The following LPIN2 variants were observed in gnomAD, a reference collection of about 807,000 sequenced individuals.
The protein encoded by LPIN2 is lipin 2.
In LPIN2, 55 loss-of-function variants were observed where a neutral mutation model predicts 111.4. That is an observed-to-expected ratio of 0.49 (90% CI 0.40 to 0.62). The LOEUF is 0.62. Ranked by LOEUF, LPIN2 falls within the 20% of genes least tolerant of loss-of-function variation. The probability of loss-of-function intolerance (pLI) is 0.00; values close to 1 mark genes in which losing one functional copy is unlikely to be tolerated. For missense variants in LPIN2, 992 were observed against 1,112.1 expected (o/e 0.89, Z 1.54); for synonymous variants, 425 against 414.0 (o/e 1.03, Z -0.32).
intron 1 of LPIN2, among the ~76,000 whole-genome samples, chr18:3,001,770 C>T (rs538452307): frequency 6.6e-6 from 1 of 152,076 alleles, no homozygotes; most frequent in South Asian, 2.1e-4. Context: ...GTACTATGTA[C>T]TTAAATGTTT....
At chr18:2,923,089 A>G (rs2077079000) in intron 16 of LPIN2, among the ~76,000 whole-genome samples, 1 of 152,170 alleles carries the variant, frequency 6.6e-6, no homozygotes, top group South Asian at 2.1e-4. Context: ...TGCAAGAACT[A>G]TTTCCCTCAT....
Position 2,928,607 on chromosome 18 carries a change from TG to T in LPIN2, c.1603del (p.Gln535ArgfsTer13). ...APMILSLQVFQKSLPKATVES... is the reference protein window; with the variant it reads ...APMILSLQVFXKSLPKATVES... ...TCGCCTCACCTTAGGCAAGCTCTTCTGGAATACTTGCAAGCTAAGGATCATG... is the reference window on the plus strand; with the variant it reads ...TCGCCTCACCTTAGGCAAGCTCTTCTGAATACTTGCAAGCTAAGGATCATG... On this transcript the variant is annotated frameshift_variant, in exon 11 of 20. Coordinates refer to ENST00000677752, the MANE Select transcript of LPIN2 (RefSeq NM_001375808.2). LOFTEE classifies it high-confidence loss of function. 1 of 1,614,154 alleles carries T rather than the reference TG, an allele frequency of 6.2e-7. No individual in the cohort carries two copies. Among genetic ancestry groups the T allele is most frequent in the Non-Finnish European group, 8.5e-7 (1 of 1,180,042 alleles).
At chr18:2,958,141 C>CAAAAAAAAAAAAAAACAAAAAAAA (rs2077642694) in intron 2 of LPIN2, among the ~76,000 whole-genome samples, 2 of 11,954 alleles carry the variant, frequency 1.7e-4, no homozygotes, top group African/African-American at 3.9e-4. Context: ...GACTCCATCT[C>CAAAAAAAAAAAAAAACAAAAAAAA]AAAAAAAAAA....
intron 2 of LPIN2, among the ~76,000 whole-genome samples, chr18:2,958,628 A>G (rs1433844991): frequency 6.6e-6 from 1 of 152,140 alleles, no homozygotes; most frequent in Non-Finnish European, 1.5e-5. Context: ...TCCCAAACAT[A>G]TTCTTTGGGT....
chr18:2,949,597 AGAG>A (rs1217563187), intron 4 of LPIN2, among the ~76,000 whole-genome samples: 2 of 152,210 alleles, frequency 1.3e-5, no homozygotes, highest in Non-Finnish European at 2.9e-5. Context: ...CAATAAAACA[AGAG>A]GAGTAGAAAA....
intron 1 of LPIN2, among the ~76,000 whole-genome samples, chr18:2,982,098 G>A (rs1598597088): frequency 6.6e-6 from 1 of 152,248 alleles, no homozygotes; most frequent in East Asian, 1.9e-4. Flanking sequence ...TGTAACAAGA[G>A]AGAAAACTCT....
intron 8 of LPIN2, among the ~76,000 whole-genome samples, chr18:2,932,138 T>G (rs143087189): frequency 0.01 from 1,531 of 152,332 alleles, 30 homozygotes; most frequent in African/African-American, 0.035. Context: ...GGAAACCTTA[T>G]GCAATGAAGT....
intron 1 of LPIN2, among the ~76,000 whole-genome samples, chr18:2,983,237 C>T (rs906138729): frequency 2.6e-5 from 4 of 152,184 alleles, no homozygotes; most frequent in Admixed American, 6.5e-5. Context: ...GGGAGCTTCC[C>T]AAAGTCAGCC....
intron 9 of LPIN2, 54 bp downstream of exon 9, chr18:2,931,202 G>A: frequency 5.1e-6 from 8 of 1,580,256 alleles, no homozygotes; most frequent in Non-Finnish European, 6.1e-6. Flanking sequence ...TTTTAACCAA[G>A]TGATGACCAG....
intron 4 of LPIN2, among the ~76,000 whole-genome samples, chr18:2,940,950 C>A (rs1568543129): frequency 6.6e-6 from 1 of 152,172 alleles, no homozygotes; most frequent in Non-Finnish European, 1.5e-5. Context: ...AATGTGATTT[C>A]TCTTTTTTCC....
At chr18:2,991,571 G>C (rs923504307) in intron 1 of LPIN2, among the ~76,000 whole-genome samples, 4 of 152,076 alleles carry the variant, frequency 2.6e-5, no homozygotes, top group African/African-American at 9.7e-5. Context: ...AATGAGCCAG[G>C]TGTGGTGTTG....
At chr18:2,968,506 T>G (rs1041015154) in intron 1 of LPIN2, among the ~76,000 whole-genome samples, 1 of 152,172 alleles carries the variant, frequency 6.6e-6, no homozygotes, top group Non-Finnish European at 1.5e-5. Context: ...TAACAAATAC[T>G]GTCTTATATA....
intron 1 of LPIN2, among the ~76,000 whole-genome samples, chr18:2,980,730 C>A (rs1266585249): frequency 1.3e-5 from 2 of 152,198 alleles, no homozygotes; most frequent in Non-Finnish European, 2.9e-5. Context: ...GTCTCGCTTC[C>A]GCTGGAGAAG....
At chr18:2,922,261 CAAA>C in intron 16 of LPIN2, 62 bp from the exon 17 acceptor site, 1 of 1,362,640 alleles carries the variant, frequency 7.3e-7, no homozygotes, top group Non-Finnish European at 1.0e-6. Flanking sequence ...AAACAAAAAA[CAAA>C]AAAAAAACCC....
intron 1 of LPIN2, among the ~76,000 whole-genome samples, chr18:2,990,486 C>T (rs2078249060): frequency 6.6e-6 from 1 of 152,066 alleles, no homozygotes; most frequent in South Asian, 2.1e-4. Flanking sequence ...CTAGATAAAC[C>T]CTTCTTCAAA....
At chr18:2,990,922 C>T (rs1017744819) in intron 1 of LPIN2, 8 of 551,446 alleles carry the variant, frequency 1.5e-5, no homozygotes, top group Non-Finnish European at 2.1e-5. Flanking sequence ...GCACCCCACA[C>T]GGGGCCCTCC....
chr18:2,953,819 T>A (rs935396459), intron 3 of LPIN2, among the ~76,000 whole-genome samples: 1 of 152,100 alleles, frequency 6.6e-6, no homozygotes, highest in African/African-American at 2.4e-5. Flanking sequence ...AGTTCTTTAG[T>A]GAGAATGTAA....
chr18:2,982,677 A>C, intron 1 of LPIN2: 1 of 1,299,836 alleles, frequency 7.7e-7, no homozygotes. Flanking sequence ...CCAAGATACC[A>C]GGAGGGGACT....
intron 1 of LPIN2, among the ~76,000 whole-genome samples, chr18:2,983,549 T>A (rs1277929294): frequency 1.3e-5 from 2 of 152,208 alleles, no homozygotes; most frequent in African/African-American, 2.4e-5. Context: ...CACTGTTTTT[T>A]TCATACCATT....
Sources: allele counts gnomAD v4.1 joint callset (sites outside exome capture counted in the v4.1 genomes callset), GRCh38; gene constraint gnomAD v4.1.1; transcripts MANE v1.5; gene names NCBI Gene and HGNC (gene_info 2026-07-23, HGNC 2026-07-21).